SMIM9: variants seen among roughly 807,000 people sequenced by gnomAD.
SMIM9 encodes chromosome X open reading frame 68.
Under a neutral mutation model 7.2 loss-of-function variants are expected in SMIM9, and 8 were observed. The ratio of observed to expected loss-of-function variants is 1.10; its 90% CI spans 0.65 to 1.99. The LOEUF is 1.99. SMIM9 is among the 30% of genes most tolerant of loss of function. SMIM9 has a pLI of 0.00. For synonymous variants in SMIM9, 19 were observed against 26.4 expected (o/e 0.72, Z 0.86); for missense variants, 76 against 69.3 (o/e 1.10, Z -0.34).
chrX:154,833,468 T>G (rs1557270709), intron 1 of SMIM9, among the ~76,000 whole-genome samples: 2 of 111,391 alleles, frequency 1.8e-5, no homozygotes, highest in Non-Finnish European at 3.8e-5. Context: ...CTACAAAAAA[T>G]TTAAAAATTA....
In SMIM9 at chrX:154,823,500, T is replaced by G. The variant is rs1418465668; in HGVS notation, c.*255A>C. Reference sequence around the variant, plus strand: ...GGTTGCTAGAATTATGGAAACTTACTCTTTTCTCTGTATTTCTCAAATTTT... The same window carrying G: ...GGTTGCTAGAATTATGGAAACTTACGCTTTTCTCTGTATTTCTCAAATTTT... On this transcript the variant is annotated 3_prime_UTR_variant, in exon 5 of 5. Transcript: ENST00000369529. 3.5e-6 allele frequency: 1 copy of G among 285,169 alleles called. No homozygotes were observed. The highest frequency in any genetic ancestry group is 6.1e-6 in the Non-Finnish European group (1 of 163,237). The allele number at this position is 285,169 out of a possible 1,213,427, so 23.5% of individuals were successfully genotyped here.
intron 3 of SMIM9, among the ~76,000 whole-genome samples, chrX:154,830,115 G>C (rs2072438034): frequency 9.0e-6 from 1 of 111,684 alleles, no homozygotes; most frequent in Non-Finnish European, 1.9e-5. Context: ...GCCACTGGAA[G>C]AAGGACCTCT....
At chrX:154,829,485 C>T (rs904965647) in intron 4 of SMIM9, 50 bp downstream of exon 4, 2 of 1,153,448 alleles carry the variant, frequency 1.7e-6, no homozygotes, top group Non-Finnish European at 2.3e-6. Context: ...TTCCCACCCC[C>T]CTTCACATTC....
At chrX:154,830,670 T>TA in intron 3 of SMIM9, 45 bp downstream of exon 3, 2 of 1,147,370 alleles carry the variant, frequency 1.7e-6, no homozygotes, top group Non-Finnish European at 2.3e-6. Flanking sequence ...ACATGAATCT[T>TA]AAGTCCTATG....
intron 4 of SMIM9, among the ~76,000 whole-genome samples, chrX:154,828,294 T>G (rs2072429877): frequency 9.0e-6 from 1 of 111,027 alleles, no homozygotes; most frequent in African/African-American, 3.3e-5. Context: ...TATATGCTCC[T>G]GATCTCCACA....
Position 154,832,857 on chromosome X carries a change from G to A in SMIM9, c.-209-174C>T, listed in dbSNP as rs191201643. On this transcript the variant is annotated intron_variant, in intron 1 of 4. Transcript: ENST00000369529. The stretch of plus-strand genomic sequence containing the variant: ...GCAGTAGTTCTATCCTCTTAGGCTT[G>A]AATAATTCTAAGATATTTTATTCAC... Among the ~76,000 whole-genome samples the A allele has an allele frequency of 1.3e-3, 144 of 111,966 alleles. 1 individual carries two copies. The highest frequency in any genetic ancestry group is 1.3e-3 in the Non-Finnish European group (68 of 53,208).
intron 4 of SMIM9, among the ~76,000 whole-genome samples, chrX:154,826,075 A>AT (rs1557270228): frequency 1.8e-5 from 2 of 111,258 alleles, no homozygotes; most frequent in African/African-American, 6.5e-5. Flanking sequence ...TATAGTAACA[A>AT]TAAAAAAAAA....
At chrX:154,825,977 C>G (rs1235107694) in intron 4 of SMIM9, among the ~76,000 whole-genome samples, 66 of 107,863 alleles carry the variant, frequency 6.1e-4, no homozygotes, top group African/African-American at 2.1e-3. Context: ...GCTAAATGAC[C>G]AGTTAATGGG....
chrX:154,825,945 A>G (rs1482468075), intron 4 of SMIM9, among the ~76,000 whole-genome samples: 12 of 106,012 alleles, frequency 1.1e-4, no homozygotes, highest in Non-Finnish European at 1.6e-4. Flanking sequence ...GGGGAGGGAT[A>G]GCATTAGGAG....
chrX:154,826,602 C>A (rs1557270256), intron 4 of SMIM9, among the ~76,000 whole-genome samples: 1 of 112,373 alleles, frequency 8.9e-6, no homozygotes, highest in African/African-American at 3.2e-5. Flanking sequence ...GAATTTATGG[C>A]AATATGTTAG....
At chrX:154,824,510 T>G (rs2072412606) in intron 4 of SMIM9, among the ~76,000 whole-genome samples, 1 of 111,356 alleles carries the variant, frequency 9.0e-6, no homozygotes, top group Non-Finnish European at 1.9e-5. Context: ...TTGGGTTAGG[T>G]TCTTAGAGGC....
At position 154,829,387 on chromosome X, in the gene SMIM9, G is replaced by A. The variant is rs1202892981; in HGVS notation, c.272+148C>T. On this transcript the variant is annotated intron_variant, in intron 4 of 4. Transcript: ENST00000369529. Reference sequence around the variant, plus strand: ...TAGACATTTTAAAAGGGGGTTGCATGACCTTTCACAGTTTTCCTCCCAGAA... The same window carrying A: ...TAGACATTTTAAAAGGGGGTTGCATAACCTTTCACAGTTTTCCTCCCAGAA... 1.3e-5 allele frequency: 9 copies of A among 675,142 alleles called. No individual in the cohort carries two copies. The East Asian group carries it at 3.0e-4, about 22-fold the overall frequency. The allele number at this position is 675,142 out of a possible 1,213,427, so 55.6% of individuals were successfully genotyped here. A position where few individuals can be genotyped will look rare whatever the true frequency, so the allele number is the denominator to read the frequency against.
chrX:154,830,462 A>G, intron 3 of SMIM9: 1 of 259,016 alleles, frequency 3.9e-6, no homozygotes, highest in Non-Finnish European at 6.8e-6. Flanking sequence ...GTTGGCATCT[A>G]TGGCTTTGTC....
Position 154,829,953 on chromosome X carries a change from A to G in SMIM9, c.143-289T>C, listed in dbSNP as rs184376875. Among the ~76,000 whole-genome samples the G allele has an allele frequency of 2.7e-3, 301 of 112,449 alleles. 1 individual carries two copies. Among genetic ancestry groups the G allele is most frequent in the Non-Finnish European group, 4.8e-3 (256 of 53,259 alleles). On this transcript the variant is annotated intron_variant, in intron 3 of 4. Transcript: ENST00000369529. ...GAGTATATTGGGTACTTTTTGAAAG[A>G]GAAGCATGACTTGATAACAAGAAAG...
At chrX:154,829,425 A>C (rs2072434649) in intron 4 of SMIM9, 110 bp downstream of exon 4, 1 of 955,005 alleles carries the variant, frequency 1.0e-6, no homozygotes, top group Admixed American at 3.8e-5. Flanking sequence ...GAATTTCTTA[A>C]AACTTTCCCT....
chrX:154,833,655 C>T (rs782054142), intron 1 of SMIM9, among the ~76,000 whole-genome samples: 1 of 109,941 alleles, frequency 9.1e-6, no homozygotes, highest in African/African-American at 3.3e-5. Flanking sequence ...CACCCAACCA[C>T]CGTGGCACAT....
Position 154,830,952 on chromosome X carries a change from TTGTC to T in SMIM9, c.-99-1_-97del, listed in dbSNP as rs1470744987. On this transcript the variant is annotated splice_acceptor_variant and 5_prime_UTR_variant, in exon 3 of 5. Coordinates refer to ENST00000369529, the MANE Select transcript of SMIM9 (RefSeq NM_001162936.4). LOFTEE classifies it low-confidence loss of function (5UTR_SPLICE). ...GTCCGTAGGTCTTTCCACAGAAACT[TTGTC>T]TGAAAAGTTAGACAATGATGGTTTA... 20 of 972,743 alleles carry T rather than the reference TTGTC, an allele frequency of 2.1e-5. No individual in the cohort carries two copies. Among genetic ancestry groups the T allele is most frequent in the Non-Finnish European group, 2.3e-5 (17 of 731,296 alleles). 80.2% of individuals were successfully genotyped at this position (972,743 alleles called of 1,213,427 possible).
Position 154,829,654 on chromosome X carries a change from C to T in SMIM9, c.153G>A (p.Arg51=). 1.7e-6 allele frequency: 2 copies of T among 1,167,000 alleles called. No homozygotes were observed. The highest frequency in any genetic ancestry group is 1.1e-6 in the Non-Finnish European group (1 of 872,615). ...GSKPRSGGNH[R]SWLNNFRDYL... ...AATCCCTGAAGTTGTTCAGCCAGGACCTGTGATTACCTGCAGAAAGAGCAT... is the reference window on the plus strand; with the variant it reads ...AATCCCTGAAGTTGTTCAGCCAGGATCTGTGATTACCTGCAGAAAGAGCAT... The change falls in exon 4 of 5, where the codon AGG becomes AGA. Residue 51 remains arginine (R), a synonymous_variant. Transcript: ENST00000369529.
chrX:154,830,390 C>T (rs1557270464), intron 3 of SMIM9, among the ~76,000 whole-genome samples: 1 of 110,882 alleles, frequency 9.0e-6, no homozygotes, highest in African/African-American at 3.3e-5. Flanking sequence ...CCTGACCCCT[C>T]CCCCAAAACA....
Sources: allele counts gnomAD v4.1 joint callset (sites outside exome capture counted in the v4.1 genomes callset), GRCh38; gene constraint gnomAD v4.1.1; transcripts MANE v1.5; gene names NCBI Gene and HGNC (gene_info 2026-07-23, HGNC 2026-07-21).